Variants in RPS6KC1 observed in about 807,000 individuals in gnomAD.
RPS6KC1 encodes the protein inactive ribosomal protein S6 kinase delta-1.
In RPS6KC1, 54 loss-of-function variants were observed where a neutral mutation model predicts 103.8. That is an observed-to-expected ratio of 0.52 (90% CI 0.42 to 0.65). RPS6KC1 has a LOEUF of 0.65. RPS6KC1 is among the 30% of genes least tolerant of loss of function. The probability of loss-of-function intolerance (pLI) is 0.00; values close to 1 mark genes in which losing one functional copy is unlikely to be tolerated. For missense variants in RPS6KC1, 1,151 were observed against 1,253.8 expected (o/e 0.92, Z 1.24); for synonymous variants, 439 against 438.7 (o/e 1.00, Z -0.01).
intron 1 of RPS6KC1, among the ~76,000 whole-genome samples, chr1:213,064,766 C>T (rs796181179): frequency 6.0e-5 from 9 of 148,926 alleles, no homozygotes; most frequent in African/African-American, 2.2e-4. Context: ...CAGGCTCTGC[C>T]TCCTGGGTTC....
chr1:213,336,321 G>T, the RPS6KC1 span, among the ~76,000 whole-genome samples: 1 of 152,178 alleles, frequency 6.6e-6, no homozygotes, highest in African/African-American at 2.4e-5. Context: ...AGTGGAATGA[G>T]GCTGAAATCA....
the RPS6KC1 span, among the ~76,000 whole-genome samples, chr1:213,511,413 A>C: frequency 6.6e-6 from 1 of 152,162 alleles, no homozygotes; most frequent in African/African-American, 2.4e-5. Context: ...ACATTTTTGC[A>C]CGTGGTGTTG....
the RPS6KC1 span, among the ~76,000 whole-genome samples, chr1:213,305,311 G>C: frequency 1.3e-5 from 2 of 152,128 alleles, no homozygotes; most frequent in African/African-American, 4.8e-5. Context: ...TCGAACTCCT[G>C]ACGTCAGGTG....
chr1:213,528,684 T>A, the RPS6KC1 span, among the ~76,000 whole-genome samples: 1 of 152,018 alleles, frequency 6.6e-6, no homozygotes, highest in Non-Finnish European at 1.5e-5. Flanking sequence ...ATGAGGATGT[T>A]GATTTAATGT....
chr1:213,160,946 A>G (rs899713044), intron 6 of RPS6KC1, among the ~76,000 whole-genome samples: 1 of 152,066 alleles, frequency 6.6e-6, no homozygotes, highest in African/African-American at 2.4e-5. Context: ...ATGTATACAT[A>G]TGTAACAGAT....
intron 7 of RPS6KC1, among the ~76,000 whole-genome samples, chr1:213,174,937 A>G (rs1343607377): frequency 6.6e-6 from 1 of 152,184 alleles, no homozygotes; most frequent in Non-Finnish European, 1.5e-5. Flanking sequence ...TCTAATTGTC[A>G]CTATCACCAA....
the RPS6KC1 span, among the ~76,000 whole-genome samples, chr1:213,291,101 T>C: frequency 6.6e-6 from 1 of 152,194 alleles, no homozygotes; most frequent in Non-Finnish European, 1.5e-5. Flanking sequence ...CTGGCTTAAA[T>C]AGCAACTCTG....
intron 1 of RPS6KC1, among the ~76,000 whole-genome samples, chr1:213,061,283 A>G (rs1432338761): frequency 6.6e-6 from 1 of 152,188 alleles, no homozygotes; most frequent in Non-Finnish European, 1.5e-5. Context: ...AGAAAGTTGA[A>G]TGTCTAAAAT....
chr1:213,192,873 G>T (rs931914882), intron 8 of RPS6KC1, among the ~76,000 whole-genome samples: 3 of 152,096 alleles, frequency 2.0e-5, no homozygotes, highest in African/African-American at 7.2e-5. Flanking sequence ...GTATCCCATA[G>T]ATTTTGGGAT....
intron 4 of RPS6KC1, among the ~76,000 whole-genome samples, chr1:213,109,344 A>G (rs1359525103): frequency 6.6e-6 from 1 of 151,764 alleles, no homozygotes; most frequent in African/African-American, 2.4e-5. Flanking sequence ...TCACCATGTT[A>G]GCCAGGATGG....
intron 3 of RPS6KC1, among the ~76,000 whole-genome samples, chr1:213,091,297 T>A (rs994342723): frequency 6.6e-6 from 1 of 152,072 alleles, no homozygotes; most frequent in Admixed American, 6.5e-5. Context: ...CCTGACCTCG[T>A]GATCTGCCTG....
Position 213,241,604 on chromosome 1 carries a change from C to T in RPS6KC1, c.2128C>T (p.Pro710Ser), listed in dbSNP as rs1020005073. The change falls in exon 11 of 15, where the codon CCT becomes TCT. Residue 710 changes from proline to serine, a missense_variant. Around this residue, in one of 3 missense-constraint regions of RPS6KC1, gnomAD observed 959 missense variants for 1,006.3 expected, o/e 0.95. Transcript: ENST00000366960. The part of the protein sequence containing the change: ...ESTREAAAMG[P>S]TKFTQTNIGI... ...AACAAGAGAAGCTGCAGCAATGGGA[C>T]CTACTAAGTTTACACAAACTAATAT... is the stretch of plus-strand genomic sequence containing the variant. The T allele has an allele frequency of 4.3e-6, 7 of 1,613,828 alleles. No individual in the cohort carries two copies. Among genetic ancestry groups the T allele is most frequent in the Non-Finnish European group, 5.1e-6 (6 of 1,179,900 alleles).
the RPS6KC1 span, among the ~76,000 whole-genome samples, chr1:213,591,851 C>A: frequency 6.6e-6 from 1 of 152,182 alleles, no homozygotes; most frequent in Admixed American, 6.5e-5. Flanking sequence ...CCCTTCACAC[C>A]TTTCCTGAGT....
At chr1:213,297,439 C>G in the RPS6KC1 span, among the ~76,000 whole-genome samples, 1 of 152,140 alleles carries the variant, frequency 6.6e-6, no homozygotes, top group Admixed American at 6.5e-5. Context: ...ACTGCCTGGT[C>G]CAGGTACCTC....
At chr1:213,364,484 G>C in the RPS6KC1 span, among the ~76,000 whole-genome samples, 59,927 of 151,998 alleles carry the variant, frequency 0.39, 13,439 homozygotes, top group African/African-American at 0.6. Context: ...TGTTGTTGGT[G>C]GGTTCACAAC....
intron 7 of RPS6KC1, among the ~76,000 whole-genome samples, chr1:213,170,010 G>A (rs2091348760): frequency 6.6e-6 from 1 of 152,128 alleles, no homozygotes; most frequent in Non-Finnish European, 1.5e-5. Flanking sequence ...TTGAACTCCT[G>A]ACCTCAGGTG....
the RPS6KC1 span, among the ~76,000 whole-genome samples, chr1:213,388,848 CA>C: frequency 6.6e-6 from 1 of 152,230 alleles, no homozygotes; most frequent in Non-Finnish European, 1.5e-5. Flanking sequence ...AGATAAAAGA[CA>C]AGACCAAACA....
the RPS6KC1 span, among the ~76,000 whole-genome samples, chr1:213,413,433 A>G: frequency 6.6e-6 from 1 of 152,344 alleles, no homozygotes; most frequent in African/African-American, 2.4e-5. Context: ...GGGAGGTTGG[A>G]GTGGCTTAGC....
the RPS6KC1 span, among the ~76,000 whole-genome samples, chr1:213,344,965 T>C: frequency 1.3e-5 from 2 of 152,220 alleles, no homozygotes; most frequent in South Asian, 4.1e-4. Flanking sequence ...CAGTATTTGT[T>C]GAATAAATGA....
Sources: gnomAD v4.1 joint callset for allele counts (sites outside exome capture counted in the v4.1 genomes callset) on GRCh38, gnomAD v4.1.1 for gene constraint, gnomAD v4.1.1 regional missense constraint, MANE v1.5 for transcripts, NCBI Gene and HGNC (gene_info 2026-07-23, HGNC 2026-07-21) for gene names.